MRS2: variants seen among roughly 807,000 people sequenced by gnomAD.
The protein encoded by MRS2 is magnesium transporter MRS2.
MRS2 carries 40 observed loss-of-function variants against 52.6 expected under a neutral mutation model. That is an observed-to-expected ratio of 0.76 (90% CI 0.59 to 0.99). MRS2 has a LOEUF of 0.99. Among genes scored for constraint, MRS2 ranks in the 50% least tolerant of loss-of-function variants. The pLI, the probability that MRS2 is intolerant of heterozygous loss-of-function variation, is 0.00. For missense variants in MRS2, 472 were observed against 532.7 expected (o/e 0.89, Z 1.12); for synonymous variants, 193 against 195.9 (o/e 0.98, Z 0.13).
chr6:24,418,630 G>A (rs1393662595), intron 9 of MRS2, 52 bp downstream of exon 9: 12 of 1,375,874 alleles, frequency 8.7e-6, no homozygotes, highest in Middle Eastern at 1.8e-4. Context: ...CGGGCATGGT[G>A]GCTCATGTCA....
At position 24,423,754 on chromosome 6, in the gene MRS2, C is replaced by T. The variant is rs1762136344; in HGVS notation, c.*60C>T. 1 of 752,792 alleles carries T rather than the reference C, an allele frequency of 1.3e-6. No homozygotes were observed. The highest frequency in any genetic ancestry group is 2.2e-6 in the Non-Finnish European group (1 of 462,752). 46.6% of individuals were successfully genotyped at this position (752,792 alleles called of 1,614,324 possible). A position where few individuals can be genotyped will look rare whatever the true frequency, so the allele number is the denominator to read the frequency against. ...GTAGTTACAGGAAACTTCTGATACT[C>T]TTTTTATTATTTTCTTGTATAGAGT... is the stretch of plus-strand genomic sequence containing the variant. On this transcript the variant is annotated 3_prime_UTR_variant, in exon 11 of 11. Coordinates refer to ENST00000378386, the MANE Select transcript of MRS2 (RefSeq NM_020662.4).
At chr6:24,417,952 AAGACAAGAC>A (rs1561812887) in intron 7 of MRS2, 123 bp from the exon 8 acceptor site, 1 of 410,758 alleles carries the variant, frequency 2.4e-6, no homozygotes, top group Non-Finnish European at 3.6e-6. Context: ...AAAAAAAAAA[AAGACAAGAC>A]AAGACAAAGG....
intron 4 of MRS2, among the ~76,000 whole-genome samples, chr6:24,411,642 G>A (rs1356604673): frequency 1.3e-5 from 2 of 152,104 alleles, no homozygotes; most frequent in South Asian, 2.1e-4. Context: ...AGGTTCAAGC[G>A]ATTCTCCTGC....
intron 9 of MRS2, 77 bp from the exon 10 acceptor site, chr6:24,422,860 C>A: frequency 2.0e-6 from 2 of 984,070 alleles, no homozygotes; most frequent in South Asian, 1.5e-5. Context: ...CTTTCAAACT[C>A]TGGGGCAGTA....
At chr6:24,421,679 T>C (rs777388919) in intron 9 of MRS2, among the ~76,000 whole-genome samples, 1 of 151,990 alleles carries the variant, frequency 6.6e-6, no homozygotes, top group Non-Finnish European at 1.5e-5. Context: ...GTTCCTTTAC[T>C]CCTAAATGTC....
chr6:24,421,357 T>C (rs371588930), intron 9 of MRS2, among the ~76,000 whole-genome samples: 8 of 152,230 alleles, frequency 5.3e-5, no homozygotes, highest in African/African-American at 1.9e-4. Flanking sequence ...AGATTCAAAT[T>C]AATGTCTTAT....
In MRS2 at chr6:24,416,109, G is replaced by C. The variant is rs112595822; in HGVS notation, c.720-288G>C. 3.2e-3 allele frequency among the ~76,000 whole-genome samples: 483 copies of C among 152,224 alleles called. No individual in the cohort carries two copies. The highest frequency in any genetic ancestry group is 0.011 in the African/African-American group (440 of 41,508). On this transcript the variant is annotated intron_variant, in intron 6 of 10. Coordinates refer to ENST00000378386, the MANE Select transcript of MRS2 (RefSeq NM_020662.4). Reference sequence around the variant, plus strand: ...AGCTAATTTTCTAAATTTTTTTGTAGAGACAAGATCTCACTGTTGTCCAGG... The same window carrying C: ...AGCTAATTTTCTAAATTTTTTTGTACAGACAAGATCTCACTGTTGTCCAGG...
At chr6:24,404,182 G>C (rs1435606503) in intron 1 of MRS2, among the ~76,000 whole-genome samples, 2 of 152,178 alleles carry the variant, frequency 1.3e-5, no homozygotes, top group Admixed American at 6.5e-5. Context: ...GCTAAGTTGG[G>C]TTACATGCTC....
At chr6:24,412,196 T>G in intron 4 of MRS2, 26 bp from the exon 5 acceptor site, 3 of 1,420,872 alleles carry the variant, frequency 2.1e-6, no homozygotes, top group Non-Finnish European at 1.9e-6. Context: ...CATATTTATA[T>G]GTTTTGGTTT....
At position 24,410,955 on chromosome 6, in the gene MRS2, G is replaced by C. The variant is rs184228740; in HGVS notation, c.415-1267G>C. ...TGTAATCCCAGCACTTTGGGAGGCC[G>C]AGAGGGGTGGATCACCTGAGGTCAG... On this transcript the variant is annotated intron_variant, in intron 4 of 10. Coordinates refer to ENST00000378386, the MANE Select transcript of MRS2 (RefSeq NM_020662.4). Among the ~76,000 whole-genome samples, 3 of 152,182 alleles carry C rather than the reference G, an allele frequency of 2.0e-5. No individual in the cohort carries two copies. In the East Asian group the frequency reaches 5.8e-4, roughly 29 times the overall value.
At chr6:24,404,252 G>A (rs1761386641) in intron 1 of MRS2, among the ~76,000 whole-genome samples, 1 of 151,916 alleles carries the variant, frequency 6.6e-6, no homozygotes, top group African/African-American at 2.4e-5. Flanking sequence ...GAAACTTTTA[G>A]GACAAGCATT....
At chr6:24,405,744 G>A (rs1381745871) in intron 2 of MRS2, among the ~76,000 whole-genome samples, 1 of 141,112 alleles carries the variant, frequency 7.1e-6, no homozygotes, top group Non-Finnish European at 1.5e-5. Context: ...ATGGGAATTG[G>A]TTGTAATATT....
chr6:24,421,120 TAC>T (rs1351314788), intron 9 of MRS2, among the ~76,000 whole-genome samples: 1 of 152,234 alleles, frequency 6.6e-6, no homozygotes, highest in African/African-American at 2.4e-5. Context: ...TTTCTCTAAA[TAC>T]ATAATCATGT....
intron 10 of MRS2, 193 bp downstream of exon 10, chr6:24,423,243 A>T (rs777760217): frequency 8.7e-5 from 48 of 553,770 alleles, no homozygotes; most frequent in East Asian, 1.2e-4. Flanking sequence ...AGAATTAAAC[A>T]ATATGTGTAA....
In MRS2 at chr6:24,425,239, A is replaced by T. The variant is rs3827641; in HGVS notation, c.*1545A>T. 6.6e-6 allele frequency: 1 copy of T among 152,114 alleles called. No individual in the cohort carries two copies. The highest frequency in any genetic ancestry group is 6.5e-5 in the Admixed American group (1 of 15,274). 9.4% of individuals were successfully genotyped at this position (152,114 alleles called of 1,614,324 possible). On this transcript the variant is annotated 3_prime_UTR_variant, in exon 11 of 11. Transcript: ENST00000378386. ...GGGTCGTATCACTGTAAAATACATA[A>T]TAAGTACTACTTAACTGTGACATGA...
rs1175720196 is a variant in MRS2 at position 24,413,947 on chromosome 6, CTAT to C, written c.589-1084_589-1082del. ...CCATACTTGTGTTAACCTAAATAGT[CTAT>C]TTTTGACTTTACTCTGATATGTTTA... On this transcript the variant is annotated intron_variant, in intron 5 of 10. Transcript: ENST00000378386. Among the ~76,000 whole-genome samples the C allele has an allele frequency of 3.9e-5, 6 of 152,164 alleles. 1 individual carries two copies. The highest frequency in any genetic ancestry group is 3.3e-4 in the Admixed American group (5 of 15,270).
chr6:24,418,333 A>G, intron 8 of MRS2, 97 bp downstream of exon 8: 1 of 1,501,958 alleles, frequency 6.7e-7, no homozygotes, highest in Non-Finnish European at 8.9e-7. Flanking sequence ...CATCATTATC[A>G]TCTATACTAC....
At chr6:24,404,196 A>C (rs888543147) in intron 1 of MRS2, among the ~76,000 whole-genome samples, 1 of 152,224 alleles carries the variant, frequency 6.6e-6, no homozygotes, top group Non-Finnish European at 1.5e-5. Context: ...CATGCTCTGC[A>C]CCCTCAATTG....
intron 5 of MRS2, among the ~76,000 whole-genome samples, chr6:24,412,674 G>A (rs761090782): frequency 1.3e-5 from 2 of 151,998 alleles, no homozygotes; most frequent in Non-Finnish European, 2.9e-5. Flanking sequence ...TGATTTGTTT[G>A]TACAATCCTT....
Sources: gnomAD v4.1 joint callset for allele counts (sites outside exome capture counted in the v4.1 genomes callset) on GRCh38, gnomAD v4.1.1 for gene constraint, MANE v1.5 for transcripts, NCBI Gene and HGNC (gene_info 2026-07-23, HGNC 2026-07-21) for gene names.